CCSER1: variants seen among roughly 807,000 people sequenced by gnomAD.
CCSER1 encodes the protein serine-rich coiled-coil domain-containing protein 1.
In CCSER1, 41 loss-of-function variants were observed where a neutral mutation model predicts 82.0. The observed-to-expected ratio is 0.50, with a 90% CI of 0.39 to 0.65. The LOEUF (loss-of-function observed/expected upper bound fraction) is 0.65. Ranked by LOEUF, CCSER1 falls within the 30% of genes least tolerant of loss-of-function variation. The pLI is 0.00. For synonymous variants in CCSER1, 414 were observed against 383.9 expected (o/e 1.08, Z -0.92); for missense variants, 1,119 against 1,064.2 (o/e 1.05, Z -0.72).
chr4:90,822,933 A>G (rs1561199468), intron 8 of CCSER1, among the ~76,000 whole-genome samples: 1 of 152,160 alleles, frequency 6.6e-6, no homozygotes, highest in Non-Finnish European at 1.5e-5. Context: ...TCCTCTGTTT[A>G]CTAACATTAC....
intron 6 of CCSER1, among the ~76,000 whole-genome samples, chr4:90,712,610 C>G (rs1740842449): frequency 1.3e-5 from 2 of 151,696 alleles, no homozygotes; most frequent in Non-Finnish European, 2.9e-5. Context: ...AATGTATACA[C>G]TGTTGTTTTG....
chr4:90,608,764 C>G (rs895618971), intron 5 of CCSER1, among the ~76,000 whole-genome samples: 1 of 150,304 alleles, frequency 6.7e-6, no homozygotes, highest in African/African-American at 2.5e-5. Flanking sequence ...TTTTGCCTTT[C>G]CAATTTATTT....
chr4:90,609,933 G>T (rs570680503), intron 5 of CCSER1, among the ~76,000 whole-genome samples: 1 of 152,110 alleles, frequency 6.6e-6, no homozygotes, highest in African/African-American at 2.4e-5. Context: ...AAGAAAAAGT[G>T]CTATTTATTC....
chr4:91,266,339 G>A (rs532406159), intron 10 of CCSER1, among the ~76,000 whole-genome samples: 247 of 151,642 alleles, frequency 1.6e-3, no homozygotes, highest in African/African-American at 5.8e-3. Flanking sequence ...TGCAAGCTCC[G>A]CCTCCTGGGT....
At chr4:90,288,431 C>T (rs943233395) in intron 1 of CCSER1, among the ~76,000 whole-genome samples, 1 of 151,944 alleles carries the variant, frequency 6.6e-6, no homozygotes, top group East Asian at 1.9e-4. Context: ...TTTTGTAAGA[C>T]ATACATCACT....
intron 10 of CCSER1, among the ~76,000 whole-genome samples, chr4:91,560,539 A>G (rs563549053): frequency 6.6e-6 from 1 of 151,616 alleles, no homozygotes; most frequent in Non-Finnish European, 1.5e-5. Context: ...ATTTAACTAT[A>G]TATTTTAAAA....
intron 10 of CCSER1, among the ~76,000 whole-genome samples, chr4:91,406,223 T>C (rs1752689606): frequency 6.6e-6 from 1 of 152,138 alleles, no homozygotes; most frequent in South Asian, 2.1e-4. Context: ...TAGCATGAAA[T>C]TGCATAATAG....
chr4:91,061,224 G>T (rs1343772088), intron 9 of CCSER1, among the ~76,000 whole-genome samples: 2 of 151,472 alleles, frequency 1.3e-5, no homozygotes, highest in South Asian at 2.1e-4. Context: ...AAAATATATT[G>T]TGATGTTAAA....
At chr4:90,172,779 G>A (rs573535324) in intron 1 of CCSER1, among the ~76,000 whole-genome samples, 120 of 151,896 alleles carry the variant, frequency 7.9e-4, no homozygotes, top group Non-Finnish European at 1.4e-3. Flanking sequence ...TACTAGCTAC[G>A]TTTGAAATAG....
At chr4:91,042,471 C>T (rs1399386943) in intron 9 of CCSER1, among the ~76,000 whole-genome samples, 1 of 152,116 alleles carries the variant, frequency 6.6e-6, no homozygotes, top group African/African-American at 2.4e-5. Flanking sequence ...TTTGCTTTTA[C>T]AAAGTATTTT....
rs185793413 is a variant in CCSER1 at position 90,692,858 on chromosome 4, T to C, written c.1933-31056T>C. On this transcript the variant is annotated intron_variant, in intron 6 of 10. Transcript: ENST00000509176. ...TAAAAGATGTATTTTATTTTGCTCA[T>C]TTATCATTCAGATATAATAGATGGG... is the stretch of plus-strand genomic sequence containing the variant. Among the ~76,000 whole-genome samples, 11 of 152,144 alleles carry C rather than the reference T, an allele frequency of 7.2e-5. No individual in the cohort carries two copies. The East Asian group carries it at 1.9e-3, about 27-fold the overall frequency.
intron 7 of CCSER1, among the ~76,000 whole-genome samples, chr4:90,733,747 A>T (rs1490300781): frequency 6.6e-6 from 1 of 152,114 alleles, no homozygotes; most frequent in East Asian, 1.9e-4. Context: ...GCATATGGAT[A>T]TCTAGGTTTT....
chr4:90,179,162 A>G (rs1490241286), intron 1 of CCSER1, among the ~76,000 whole-genome samples: 1 of 152,210 alleles, frequency 6.6e-6, no homozygotes, highest in Non-Finnish European at 1.5e-5. Flanking sequence ...AATTAGATCA[A>G]GTAAAATCAG....
chr4:90,568,826 C>A (rs1303896781), intron 5 of CCSER1, among the ~76,000 whole-genome samples: 1 of 150,704 alleles, frequency 6.6e-6, no homozygotes, highest in African/African-American at 2.4e-5. Context: ...GCAGTGGCAC[C>A]GTGCCGTGTC....
At chr4:91,038,273 G>C (rs1452530285) in intron 9 of CCSER1, among the ~76,000 whole-genome samples, 1 of 151,754 alleles carries the variant, frequency 6.6e-6, no homozygotes, top group Non-Finnish European at 1.5e-5. Flanking sequence ...AGAAATATTA[G>C]TCAAGTATGA....
At chr4:90,780,412 G>A (rs1348898894) in intron 7 of CCSER1, 2 of 1,601,228 alleles carry the variant, frequency 1.2e-6, no homozygotes, top group Admixed American at 3.4e-5. Context: ...AGAATATAAG[G>A]ACTGTTATTT....
At chr4:90,735,540 C>T (rs1561041847) in intron 7 of CCSER1, among the ~76,000 whole-genome samples, 1 of 152,096 alleles carries the variant, frequency 6.6e-6, no homozygotes. Flanking sequence ...CTTCATGGTT[C>T]AGTCTTGATA....
chr4:91,505,077 C>G (rs565288264), intron 10 of CCSER1, among the ~76,000 whole-genome samples: 38 of 152,132 alleles, frequency 2.5e-4, no homozygotes, highest in Non-Finnish European at 4.6e-4. Flanking sequence ...AGCTATTTAT[C>G]CTGATGCTCT....
intron 10 of CCSER1, among the ~76,000 whole-genome samples, chr4:91,475,306 G>A (rs1234876022): frequency 6.6e-6 from 1 of 151,686 alleles, no homozygotes; most frequent in East Asian, 1.9e-4. Flanking sequence ...ATAGATATAG[G>A]GATAGTAAAT....
Sources: allele counts gnomAD v4.1 joint callset (sites outside exome capture counted in the v4.1 genomes callset), GRCh38; gene constraint gnomAD v4.1.1; transcripts MANE v1.5; gene names NCBI Gene and HGNC (gene_info 2026-07-23, HGNC 2026-07-21).